Variants in CFAP20DC observed in about 807,000 individuals in gnomAD.
CFAP20DC encodes protein CFAP20DC.
Under a neutral mutation model 101.7 loss-of-function variants are expected in CFAP20DC, and 84 were observed. That is an observed-to-expected ratio of 0.83 (90% CI 0.69 to 0.99). The LOEUF (loss-of-function observed/expected upper bound fraction) is 0.99, where lower values mean the gene tolerates loss of function less well. CFAP20DC is among the 50% of genes least tolerant of loss of function. CFAP20DC has a pLI of 0.00. For missense variants in CFAP20DC, 1,007 were observed against 970.3 expected (o/e 1.04, Z -0.50); for synonymous variants, 359 against 351.2 (o/e 1.02, Z -0.25).
rs2078337469 is a variant in CFAP20DC at position 58,852,459 on chromosome 3, G to A, written c.1594-3050C>T. On this transcript the variant is annotated intron_variant, in intron 12 of 16. Transcript: ENST00000482387. ...ACAGAAAGTCAACAAGGATACCCAG[G>A]AATTGAACTCAGCTCTGCACCAAGC... Among the ~76,000 whole-genome samples, 4 of 151,806 alleles carry A rather than the reference G, an allele frequency of 2.6e-5. No individual in the cohort carries two copies. The South Asian group carries it at 8.4e-4, about 32-fold the overall frequency.
chr3:58,886,095 A>G (rs542410449), intron 6 of CFAP20DC, among the ~76,000 whole-genome samples: 2 of 152,282 alleles, frequency 1.3e-5, no homozygotes, highest in East Asian at 3.9e-4. Context: ...AATATCCTAG[A>G]AAGACTTTAC....
chr3:58,965,097 C>T lies in CFAP20DC; in HGVS notation c.279-27335G>A, dbSNP rs186987537. 1.6e-3 allele frequency among the ~76,000 whole-genome samples: 241 copies of T among 152,272 alleles called. 2 individuals carry two copies. The highest frequency in any genetic ancestry group is 5.0e-3 in the African/African-American group (207 of 41,566). On this transcript the variant is annotated intron_variant, in intron 4 of 16. Coordinates refer to ENST00000482387, the MANE Select transcript of CFAP20DC (RefSeq NM_001394063.1). Reference sequence around the variant, plus strand: ...TCTACCATTTCATTTAAAAGGGTCACAGTGGTTCTTCCTGTCCAGGGCCCT... The same window carrying T: ...TCTACCATTTCATTTAAAAGGGTCATAGTGGTTCTTCCTGTCCAGGGCCCT...
At chr3:58,819,288 C>A (rs1396937527) in intron 14 of CFAP20DC, among the ~76,000 whole-genome samples, 3 of 152,088 alleles carry the variant, frequency 2.0e-5, no homozygotes, top group Admixed American at 6.6e-5. Context: ...AGATAACTAA[C>A]ATAAGAGCAG....
chr3:58,717,203 T>C (rs1365412376), downstream of CFAP20DC, among the ~76,000 whole-genome samples: 2 of 152,070 alleles, frequency 1.3e-5, no homozygotes, highest in Non-Finnish European at 2.9e-5. The surrounding 1 kb of genome is among the most constrained non-coding windows in gnomAD (Gnocchi z 4.1). Flanking sequence ...AACTAAATTA[T>C]AACAGGGCTG....
chr3:58,762,866 C>T (rs948760146), intron 15 of CFAP20DC, among the ~76,000 whole-genome samples: 20 of 152,166 alleles, frequency 1.3e-4, no homozygotes, highest in Non-Finnish European at 2.2e-4. Flanking sequence ...AATATTGGCC[C>T]CCACTCTCTT....
At chr3:58,862,666 T>C (rs2079348458) in intron 12 of CFAP20DC, 2 of 982,710 alleles carry the variant, frequency 2.0e-6, no homozygotes, top group Non-Finnish European at 2.4e-6. Flanking sequence ...GGATTCTTAA[T>C]CAGTTACGTT....
intron 6 of CFAP20DC, among the ~76,000 whole-genome samples, chr3:58,901,569 G>A (rs532879123): frequency 1.3e-5 from 2 of 152,194 alleles, no homozygotes; most frequent in Non-Finnish European, 2.9e-5. Flanking sequence ...TATACAGCAA[G>A]TGCTACGTAA....
rs181343600 is a variant in CFAP20DC at position 58,871,085 on chromosome 3, T to C, written c.716-776A>G. On this transcript the variant is annotated intron_variant, in intron 7 of 16. Transcript: ENST00000482387. ...ACAAAATGGAGAATGGAGAGGCGGA[T>C]AAGACCAGTAAACAGGTCACCAATG... Among the ~76,000 whole-genome samples the C allele has an allele frequency of 5.0e-4, 76 of 152,172 alleles. 1 individual carries two copies. The highest frequency in any genetic ancestry group is 1.8e-3 in the African/African-American group (75 of 41,530).
chr3:58,862,073 G>C, intron 12 of CFAP20DC: 8 of 972,926 alleles, frequency 8.2e-6, no homozygotes, highest in Non-Finnish European at 9.8e-6. Context: ...ATAGATGGAA[G>C]AGGTAAGTTC....
At chr3:59,034,561 C>G (rs543299096) in intron 4 of CFAP20DC, among the ~76,000 whole-genome samples, 1 of 152,088 alleles carries the variant, frequency 6.6e-6, no homozygotes, top group Non-Finnish European at 1.5e-5. Flanking sequence ...TCTGATAAAA[C>G]AGACTTTAAA....
chr3:58,961,478 C>T (rs1206776519), intron 4 of CFAP20DC, among the ~76,000 whole-genome samples: 1 of 152,134 alleles, frequency 6.6e-6, no homozygotes, highest in Admixed American at 6.5e-5. Context: ...TGCTTGAACC[C>T]AGGAGGCAGA....
chr3:58,975,349 C>A (rs1333466612), intron 4 of CFAP20DC, among the ~76,000 whole-genome samples: 1 of 152,088 alleles, frequency 6.6e-6, no homozygotes, highest in Non-Finnish European at 1.5e-5. Context: ...ATGAGGGCAG[C>A]AACAATCTGT....
At chr3:59,031,356 A>G (rs1295869852) in intron 4 of CFAP20DC, among the ~76,000 whole-genome samples, 1 of 152,192 alleles carries the variant, frequency 6.6e-6, no homozygotes, top group Non-Finnish European at 1.5e-5. Flanking sequence ...AACTGGGCCT[A>G]TATGGGATTC....
intron 5 of CFAP20DC, among the ~76,000 whole-genome samples, chr3:58,933,597 C>T (rs1390117915): frequency 2.6e-5 from 4 of 152,098 alleles, no homozygotes; most frequent in East Asian, 1.9e-4. Context: ...GAAATCAAAC[C>T]AGAACTCAGG....
At chr3:58,936,316 A>C (rs2087600051) in intron 5 of CFAP20DC, among the ~76,000 whole-genome samples, 1 of 152,140 alleles carries the variant, frequency 6.6e-6, no homozygotes. Context: ...ACAATTTTAC[A>C]CTGTTGCTGG....
intron 14 of CFAP20DC, among the ~76,000 whole-genome samples, chr3:58,825,059 TGAG>T (rs1171318438): frequency 2.0e-5 from 3 of 152,218 alleles, no homozygotes; most frequent in Non-Finnish European, 4.4e-5. Context: ...AATCTACATT[TGAG>T]GAGAGACAGT....
At chr3:58,790,623 T>C (rs1316377959) in intron 15 of CFAP20DC, among the ~76,000 whole-genome samples, 1 of 152,146 alleles carries the variant, frequency 6.6e-6, no homozygotes, top group Non-Finnish European at 1.5e-5. Flanking sequence ...TGGTGATTTT[T>C]TAGGTGACCA....
chr3:58,997,183 T>C (rs1334304812), intron 4 of CFAP20DC, among the ~76,000 whole-genome samples: 1 of 152,240 alleles, frequency 6.6e-6, no homozygotes, highest in African/African-American at 2.4e-5. Context: ...TATTTTGTTA[T>C]TTACAATGGC....
chr3:58,881,248 G>A (rs763912410), intron 7 of CFAP20DC, among the ~76,000 whole-genome samples: 28 of 152,118 alleles, frequency 1.8e-4, no homozygotes, highest in Middle Eastern at 3.2e-3. Flanking sequence ...CTGTGGACAG[G>A]AGGGCACTTG....
Sources: allele counts gnomAD v4.1 joint callset (sites outside exome capture counted in the v4.1 genomes callset), GRCh38; gene constraint gnomAD v4.1.1; non-coding constraint Gnocchi (gnomAD v3.1); transcripts MANE v1.5; gene names NCBI Gene and HGNC (gene_info 2026-07-23, HGNC 2026-07-21).